The following KIRREL3 variants were observed in gnomAD, a reference collection of about 807,000 sequenced individuals.
KIRREL3 encodes kin of IRRE-like protein 3.
In KIRREL3, 36 loss-of-function variants were observed where a neutral mutation model predicts 89.7. That is an observed-to-expected ratio of 0.40 (90% CI 0.31 to 0.53). KIRREL3 has a LOEUF of 0.53. Among genes scored for constraint, KIRREL3 ranks in the 20% least tolerant of loss-of-function variants. The pLI is 0.49. For synonymous variants in KIRREL3, 445 were observed against 441.4 expected, an observed-to-expected ratio of 1.01 and a Z score of -0.10; for missense variants, 864 against 1,056.6, an observed-to-expected ratio of 0.82 and a Z score of 2.53.
rs1419667218 is a variant in KIRREL3, at chr11:126,526,743, G to A, written c.134-56C>T. 2 of 1,517,676 alleles carry A rather than the reference G, an allele frequency of 1.3e-6. No homozygotes were observed. The highest frequency in any genetic ancestry group is 2.8e-5 in the African/African-American group (2 of 72,496). The allele number at this position is 1,517,676 out of a possible 1,614,324, so 94.0% of individuals were successfully genotyped here. ...ATCTGCCGGCTACAGGGGCGAGAAG[G>A]CTCCCCTCCAGCTATGGAAGCAGAG... On this transcript the variant is annotated intron_variant, in intron 2 of 16. Transcript: ENST00000525144. The surrounding 1 kb of genome is among the most constrained non-coding windows in gnomAD (Gnocchi z 5.7).
chr11:126,972,168 T>TAGAG (rs61426707), intron 1 of KIRREL3, among the ~76,000 whole-genome samples: 6,171 of 119,860 alleles, frequency 0.051, 296 homozygotes, highest in East Asian at 0.11. Context: ...GAGGGTCTGG[T>TAGAG]AGAGAGAGAG....
intron 5 of KIRREL3, among the ~76,000 whole-genome samples, chr11:126,467,781 C>A (rs537131994): frequency 6.6e-6 from 1 of 152,250 alleles, no homozygotes; most frequent in Admixed American, 6.5e-5. Context: ...CTGCATCCAG[C>A]CTTGAGGCCA....
chr11:126,789,628 A>G (rs528702715), intron 1 of KIRREL3, among the ~76,000 whole-genome samples: 121 of 152,286 alleles, frequency 7.9e-4, no homozygotes, highest in Admixed American at 1.7e-3. Flanking sequence ...AAACTGCCAA[A>G]TCTTGAGGTC....
At chr11:126,928,622 C>T (rs1219390951) in intron 1 of KIRREL3, among the ~76,000 whole-genome samples, 5 of 152,200 alleles carry the variant, frequency 3.3e-5, no homozygotes, top group Non-Finnish European at 1.5e-5. Flanking sequence ...GAAGTGTTAG[C>T]CATGCTTGGG....
chr11:126,511,537 C>T (rs1247825598), intron 4 of KIRREL3, among the ~76,000 whole-genome samples: 2 of 152,164 alleles, frequency 1.3e-5, no homozygotes, highest in African/African-American at 4.8e-5. Flanking sequence ...AGTCTTGGCT[C>T]CCGGCTCATG....
At position 126,817,682 on chromosome 11, in the gene KIRREL3, G is replaced by A. The variant is rs2079980123; in HGVS notation, c.55+182773C>T. Among the ~76,000 whole-genome samples the A allele has an allele frequency of 6.6e-6, 1 of 152,138 alleles. No individual in the cohort carries two copies. The highest frequency in any genetic ancestry group is 6.5e-5 in the Admixed American group (1 of 15,276). ...AATGAGACCAATGCCAGATCCCAGA[G>A]GGGTCAGGGAGCTCCACCGAGCTTC... On this transcript the variant is annotated intron_variant, in intron 1 of 16. Transcript: ENST00000525144. The surrounding 1 kb of genome is among the most constrained non-coding windows in gnomAD (Gnocchi z 5.7).
rs917813551 is a variant in KIRREL3 at position 126,676,630 on chromosome 11, G to A, written c.56-113718C>T. Among the ~76,000 whole-genome samples, 6 of 152,250 alleles carry A rather than the reference G, an allele frequency of 3.9e-5. No homozygotes were observed. Among genetic ancestry groups the A allele is most frequent in the Admixed American group, 1.3e-4 (2 of 15,298 alleles). On this transcript the variant is annotated intron_variant, in intron 1 of 16. Coordinates refer to ENST00000525144, the MANE Select transcript of KIRREL3 (RefSeq NM_032531.4). This position sits in a 1 kb window ranked among gnomAD's most constrained non-coding sequence, Gnocchi z 4.5. ...GTTCTCAAGTTCAGGAAACTCAGAC[G>A]TGGTCCTGGACTCTCCTTGCCTGGA...
rs962431432 is a variant in KIRREL3 at position 126,583,028 on chromosome 11, T to C, written c.56-20116A>G. 3.9e-5 allele frequency among the ~76,000 whole-genome samples: 6 copies of C among 152,326 alleles called. No homozygotes were observed. In the South Asian group the frequency reaches 6.2e-4, roughly 16 times the overall value. On this transcript the variant is annotated intron_variant, in intron 1 of 16. Transcript: ENST00000525144. ...GATGGACACTGCTATCTGTTCTTGA[T>C]ACTCAGACCCTCCCATCTCTCCCAT...
chr11:126,523,264 C>T lies in KIRREL3; in HGVS notation c.284-1800G>A, dbSNP rs1392712714. Among the ~76,000 whole-genome samples, 4 of 152,068 alleles carry T rather than the reference C, an allele frequency of 2.6e-5. No homozygotes were observed. The highest frequency in any genetic ancestry group is 5.9e-5 in the Non-Finnish European group (4 of 68,008). ...GATGTTGCAGAGGTGATTTCTACAC[C>T]GGGTGAAAGATCAGACTAGAGGAGC... is the stretch of plus-strand genomic sequence containing the variant. On this transcript the variant is annotated intron_variant, in intron 3 of 16. Coordinates refer to ENST00000525144, the MANE Select transcript of KIRREL3 (RefSeq NM_032531.4). The surrounding 1 kb of genome is among the most constrained non-coding windows in gnomAD (Gnocchi z 4.9).
intron 1 of KIRREL3, among the ~76,000 whole-genome samples, chr11:126,602,163 G>C (rs1313250820): frequency 6.6e-6 from 1 of 152,214 alleles, no homozygotes; most frequent in Non-Finnish European, 1.5e-5. Flanking sequence ...CAGCGTTTCT[G>C]TTTTGCCTTT....
chr11:126,712,288 C>T (rs902235534), intron 1 of KIRREL3, among the ~76,000 whole-genome samples: 9 of 137,154 alleles, frequency 6.6e-5, no homozygotes, highest in African/African-American at 2.4e-4. Context: ...TGTGTGTGCG[C>T]GCGTGCATGC....
intron 11 of KIRREL3, 82 bp from the exon 12 acceptor site, chr11:126,437,091 C>T: frequency 2.3e-6 from 3 of 1,295,864 alleles, no homozygotes; most frequent in South Asian, 1.6e-5. Flanking sequence ...GTGCCACTGT[C>T]CTGCTCATGT....
Position 126,491,734 on chromosome 11 carries a change from C to T in KIRREL3, c.434-18268G>A, listed in dbSNP as rs1591628272. ...TTTTTTATATTTATACGGAGTCTTGCTCTGTCACCCAAGCTGGAGTTCAGT... is the reference window on the plus strand; with the variant it reads ...TTTTTTATATTTATACGGAGTCTTGTTCTGTCACCCAAGCTGGAGTTCAGT... On this transcript the variant is annotated intron_variant, in intron 4 of 16. Coordinates refer to ENST00000525144, the MANE Select transcript of KIRREL3 (RefSeq NM_032531.4). This position sits in a 1 kb window ranked among gnomAD's most constrained non-coding sequence, Gnocchi z 5.5. Among the ~76,000 whole-genome samples the T allele has an allele frequency of 6.6e-6, 1 of 151,964 alleles. No individual in the cohort carries two copies. Among genetic ancestry groups the T allele is most frequent in the East Asian group, 1.9e-4 (1 of 5,182 alleles).
At position 126,808,501 on chromosome 11, in the gene KIRREL3, T is replaced by C. The variant is rs1419012163; in HGVS notation, c.55+191954A>G. Reference sequence around the variant, plus strand: ...GTCTGTTTTTTTCCCAGTGACCTCCTGAGGCAGCAGACTCCACAGGCTTAC... The same window carrying C: ...GTCTGTTTTTTTCCCAGTGACCTCCCGAGGCAGCAGACTCCACAGGCTTAC... On this transcript the variant is annotated intron_variant, in intron 1 of 16. Transcript: ENST00000525144. This position sits in a 1 kb window ranked among gnomAD's most constrained non-coding sequence, Gnocchi z 4.1. Among the ~76,000 whole-genome samples the C allele has an allele frequency of 6.6e-6, 1 of 152,190 alleles. No homozygotes were observed. The highest frequency in any genetic ancestry group is 1.9e-4 in the East Asian group (1 of 5,186).
In KIRREL3 at chr11:126,814,298, C is replaced by T. The variant is rs570575027; in HGVS notation, c.55+186157G>A. Among the ~76,000 whole-genome samples, 1 of 152,196 alleles carries T rather than the reference C, an allele frequency of 6.6e-6. No homozygotes were observed. Among genetic ancestry groups the T allele is most frequent in the Non-Finnish European group, 1.5e-5 (1 of 67,998 alleles). The stretch of plus-strand genomic sequence containing the variant: ...GCGAGGTTATGGAGAAAAAGGAATG[C>T]TTTTACACTGTTGGTGGGAGTGTAA... On this transcript the variant is annotated intron_variant, in intron 1 of 16. Coordinates refer to ENST00000525144, the MANE Select transcript of KIRREL3 (RefSeq NM_032531.4). This position sits in a 1 kb window ranked among gnomAD's most constrained non-coding sequence, Gnocchi z 4.4.
intron 1 of KIRREL3, among the ~76,000 whole-genome samples, chr11:126,986,981 C>T (rs1306146353): frequency 2.0e-5 from 3 of 152,320 alleles, no homozygotes; most frequent in Admixed American, 6.5e-5. Flanking sequence ...CGGTATAACA[C>T]AGGCTGCTGG....
At position 126,424,335 on chromosome 11, in the gene KIRREL3, AAGCAC is replaced by A. The variant is rs1283492602; in HGVS notation, c.*240_*244del. 3.5e-6 allele frequency: 2 copies of A among 574,244 alleles called. No homozygotes were observed. Among genetic ancestry groups the A allele is most frequent in the Non-Finnish European group, 6.2e-6 (2 of 321,130 alleles). The allele number at this position is 574,244 out of a possible 1,614,324, so 35.6% of individuals were successfully genotyped here. On this transcript the variant is annotated 3_prime_UTR_variant, in exon 17 of 17. Transcript: ENST00000525144. ...GCCGGGGACACGGGTGTCCAGCACTAAGCACAGCGCACTCAGCCGCAGCCTCTGTC... is the reference window on the plus strand; with the variant it reads ...GCCGGGGACACGGGTGTCCAGCACTAAGCGCACTCAGCCGCAGCCTCTGTC...
At chr11:126,597,400 C>T (rs559825110) in intron 1 of KIRREL3, among the ~76,000 whole-genome samples, 19 of 152,228 alleles carry the variant, frequency 1.2e-4, no homozygotes, top group Non-Finnish European at 2.4e-4. Context: ...ATTAAGTCCC[C>T]GTGGTCTTTT....
At chr11:126,781,864 C>G (rs572412271) in intron 1 of KIRREL3, among the ~76,000 whole-genome samples, 1 of 152,176 alleles carries the variant, frequency 6.6e-6, no homozygotes, top group African/African-American at 2.4e-5. Context: ...AAATAGGGGC[C>G]ACTTATACGA....
Sources: gnomAD v4.1 joint callset for allele counts (sites outside exome capture counted in the v4.1 genomes callset) on GRCh38, gnomAD v4.1.1 for gene constraint, Gnocchi (gnomAD v3.1) non-coding constraint, MANE v1.5 for transcripts, NCBI Gene and HGNC (gene_info 2026-07-23, HGNC 2026-07-21) for gene names.